Variants in GNAI1 observed in about 807,000 individuals in gnomAD.
GNAI1 encodes guanine nucleotide-binding protein G(i) subunit alpha-1.
In GNAI1, 11 loss-of-function variants were observed where a neutral mutation model predicts 38.9. That is an observed-to-expected ratio of 0.28 (90% CI 0.18 to 0.47). The LOEUF (loss-of-function observed/expected upper bound fraction) is 0.47. Ranked by LOEUF, GNAI1 falls within the 20% of genes least tolerant of loss-of-function variation. The pLI, the probability that GNAI1 is intolerant of heterozygous loss-of-function variation, is 0.99. For missense variants in GNAI1, 317 were observed against 436.9 expected (o/e 0.73, Z 2.45); for synonymous variants, 166 against 145.1 (o/e 1.14, Z -1.04).
intron 1 of GNAI1, among the ~76,000 whole-genome samples, chr7:80,146,479 T>C (rs920094153): frequency 5.3e-5 from 8 of 152,234 alleles, no homozygotes; most frequent in South Asian, 4.1e-4. Context: ...TGTGTTTTTT[T>C]CCCACAATTA....
rs569567876 is a variant in GNAI1, at chr7:80,162,074, G to C, written c.118+26796G>C. Reference sequence around the variant, plus strand: ...GAGGTGGGGCATTTGGGAGGTAATTGGGTTGGAATGAGGTCATGGAATGGA... The same window carrying C: ...GAGGTGGGGCATTTGGGAGGTAATTCGGTTGGAATGAGGTCATGGAATGGA... On this transcript the variant is annotated intron_variant, in intron 1 of 7. Coordinates refer to ENST00000649796, the MANE Select transcript of GNAI1 (RefSeq NM_002069.6). Among the ~76,000 whole-genome samples the C allele has an allele frequency of 7.2e-5, 11 of 152,178 alleles. No homozygotes were observed. The South Asian group carries it at 2.3e-3, about 32-fold the overall frequency.
intron 1 of GNAI1, among the ~76,000 whole-genome samples, chr7:80,139,693 G>T (rs1229127079): frequency 1.3e-5 from 2 of 152,122 alleles, no homozygotes; most frequent in East Asian, 3.9e-4. Flanking sequence ...TAACTGTCCA[G>T]CCAAATTATG....
chr7:80,205,603 A>G (rs1384757988), intron 5 of GNAI1, among the ~76,000 whole-genome samples: 1 of 151,832 alleles, frequency 6.6e-6, no homozygotes, highest in Non-Finnish European at 1.5e-5. Flanking sequence ...TTTTTTTAAG[A>G]TTATGTTTAG....
At chr7:80,200,648 G>C (rs1269480237) in intron 4 of GNAI1, among the ~76,000 whole-genome samples, 8 of 152,140 alleles carry the variant, frequency 5.3e-5, no homozygotes, top group African/African-American at 1.4e-4. Flanking sequence ...TATTTGTTCA[G>C]CATCAGACTA....
intron 1 of GNAI1, among the ~76,000 whole-genome samples, chr7:80,149,707 TTTG>T (rs1423306526): frequency 6.6e-6 from 1 of 152,184 alleles, no homozygotes; most frequent in Non-Finnish European, 1.5e-5. Context: ...ACTTTTTGAT[TTTG>T]TTATTTTTTC....
At chr7:80,217,233 A>ACTGACTTCAGTTTCATATGTCTGAAC in intron 7 of GNAI1, 70 bp from the exon 8 acceptor site, 1 of 1,034,848 alleles carries the variant, frequency 9.7e-7, no homozygotes, top group Non-Finnish European at 1.4e-6. Context: ...TATGTATGAA[A>ACTGACTTCAGTTTCATATGTCTGAAC]CTGAATTCAG....
intron 5 of GNAI1, among the ~76,000 whole-genome samples, chr7:80,208,134 C>T (rs1335200937): frequency 6.6e-6 from 1 of 152,118 alleles, no homozygotes; most frequent in East Asian, 1.9e-4. Context: ...ATCATCACTT[C>T]TCAGCATGTC....
chr7:80,140,017 T>G (rs750121806), intron 1 of GNAI1, among the ~76,000 whole-genome samples: 16 of 150,218 alleles, frequency 1.1e-4, no homozygotes, highest in Admixed American at 1.3e-4. Context: ...GGAGTCTTGC[T>G]CTGTCGCCCA....
intron 1 of GNAI1, among the ~76,000 whole-genome samples, chr7:80,156,246 C>G (rs954598768): frequency 2.0e-5 from 3 of 151,980 alleles, no homozygotes; most frequent in Non-Finnish European, 4.4e-5. Flanking sequence ...TTATTGTATG[C>G]TTATCATGTA....
intron 1 of GNAI1, among the ~76,000 whole-genome samples, chr7:80,141,806 C>T (rs191510956): frequency 6.6e-6 from 1 of 152,312 alleles, no homozygotes; most frequent in East Asian, 1.9e-4. Context: ...GAAATCTCTT[C>T]ATCTTAATGT....
At chr7:80,190,031 T>G (rs79438837) in intron 3 of GNAI1, among the ~76,000 whole-genome samples, 1 of 152,082 alleles carries the variant, frequency 6.6e-6, no homozygotes, top group African/African-American at 2.4e-5. Flanking sequence ...GTATTTATTT[T>G]TATGGTTCCT....
At chr7:80,155,828 G>T (rs532749299) in intron 1 of GNAI1, among the ~76,000 whole-genome samples, 1 of 151,956 alleles carries the variant, frequency 6.6e-6, no homozygotes, top group Non-Finnish European at 1.5e-5. Context: ...AGGCTGAGGC[G>T]GGTGGATCAC....
intron 3 of GNAI1, among the ~76,000 whole-genome samples, chr7:80,191,786 G>A (rs1788484573): frequency 1.3e-5 from 2 of 152,166 alleles, no homozygotes; most frequent in Non-Finnish European, 2.9e-5. Flanking sequence ...ATTTTGATAG[G>A]TACCACAGGT....
At chr7:80,137,720 T>C (rs1787450652) in intron 1 of GNAI1, among the ~76,000 whole-genome samples, 2 of 152,204 alleles carry the variant, frequency 1.3e-5, no homozygotes, top group African/African-American at 4.8e-5. Context: ...CTGTCTTTTC[T>C]AGCTTTGGTC....
intron 1 of GNAI1, among the ~76,000 whole-genome samples, chr7:80,176,138 C>T (rs965619807): frequency 3.9e-5 from 6 of 152,188 alleles, no homozygotes; most frequent in South Asian, 2.1e-4. Context: ...AATGGACACA[C>T]GAATGATAAA....
intron 1 of GNAI1, among the ~76,000 whole-genome samples, chr7:80,183,779 G>A (rs981701302): frequency 5.9e-5 from 9 of 152,256 alleles, no homozygotes; most frequent in East Asian, 1.9e-4. Flanking sequence ...CATTGATAGC[G>A]ATAAATTACA....
chr7:80,216,117 C>G (rs768231227), intron 7 of GNAI1, among the ~76,000 whole-genome samples: 1 of 152,020 alleles, frequency 6.6e-6, no homozygotes, highest in Non-Finnish European at 1.5e-5. Context: ...TTTATTGAAG[C>G]ATTACATAGA....
At chr7:80,155,192 A>G (rs1223913772) in intron 1 of GNAI1, among the ~76,000 whole-genome samples, 1 of 152,166 alleles carries the variant, frequency 6.6e-6, no homozygotes, top group Non-Finnish European at 1.5e-5. Flanking sequence ...AAAAAGTTTA[A>G]TACTTTTTAT....
rs78945015 is a variant in GNAI1, at chr7:80,171,597, A to G, written c.119-17354A>G. Among the ~76,000 whole-genome samples, 19 of 152,336 alleles carry G rather than the reference A, an allele frequency of 1.2e-4. No individual in the cohort carries two copies. In the East Asian group the frequency reaches 2.9e-3, roughly 23 times the overall value. On this transcript the variant is annotated intron_variant, in intron 1 of 7. Coordinates refer to ENST00000649796, the MANE Select transcript of GNAI1 (RefSeq NM_002069.6). ...AGCGAAACTGTATGCTTCCCATAGTATTATAGAAAACTAGGGTGCAGGGCG... is the reference window on the plus strand; with the variant it reads ...AGCGAAACTGTATGCTTCCCATAGTGTTATAGAAAACTAGGGTGCAGGGCG...
Sources: allele counts gnomAD v4.1 joint callset (sites outside exome capture counted in the v4.1 genomes callset), GRCh38; gene constraint gnomAD v4.1.1; transcripts MANE v1.5; gene names NCBI Gene and HGNC (gene_info 2026-07-23, HGNC 2026-07-21).